ESRRA: variants seen among roughly 807,000 people sequenced by gnomAD.
The protein encoded by ESRRA is steroid hormone receptor ERR1.
In ESRRA, 7 loss-of-function variants were observed where a neutral mutation model predicts 35.6. The observed-to-expected ratio is 0.20, with a 90% CI of 0.11 to 0.37. The LOEUF (loss-of-function observed/expected upper bound fraction) is 0.37. ESRRA is among the 10% of genes least tolerant of loss of function. The pLI is 1.00. For missense variants in ESRRA, 378 were observed against 561.7 expected (o/e 0.67, Z 3.31); for synonymous variants, 223 against 246.9 (o/e 0.90, Z 0.91).
chr11:64,312,929 C>G lies in ESRRA; in HGVS notation c.326-1022C>G, dbSNP rs564431813. ...GTAGAGGTCAAAAGGAGGCAAGAAG[C>G]AGGGGCGTAGGCCTAGGAGGACATA... On this transcript the variant is annotated intron_variant, in intron 2 of 6. Transcript: ENST00000000442. 2.6e-4 allele frequency among the ~76,000 whole-genome samples: 40 copies of G among 152,288 alleles called. 1 individual carries two copies. The South Asian group carries it at 8.1e-3, about 31-fold the overall frequency.
chr11:64,313,773 C>T lies in ESRRA; in HGVS notation c.326-178C>T. Reference sequence around the variant, plus strand: ...TGGTCCAGCTCCTCCCTCATCCAGGCAGGGCTCCCCCGCCCAGCAGCCACT... The same window carrying T: ...TGGTCCAGCTCCTCCCTCATCCAGGTAGGGCTCCCCCGCCCAGCAGCCACT... On this transcript the variant is annotated intron_variant, in intron 2 of 6. Coordinates refer to ENST00000000442, the MANE Select transcript of ESRRA (RefSeq NM_004451.5). This position sits in a 1 kb window ranked among gnomAD's most constrained non-coding sequence, Gnocchi z 4.0. 1.8e-6 allele frequency: 1 copy of T among 555,958 alleles called. No homozygotes were observed. The highest frequency in any genetic ancestry group is 3.2e-6 in the Non-Finnish European group (1 of 310,292). 34.4% of individuals were successfully genotyped at this position (555,958 alleles called of 1,614,324 possible). A position where few individuals can be genotyped will look rare whatever the true frequency, so the allele number is the denominator to read the frequency against.
In ESRRA at chr11:64,314,376, A is replaced by G; in HGVS notation, c.571+9A>G. The G allele has an allele frequency of 1.3e-6, 2 of 1,557,296 alleles. No individual in the cohort carries two copies. Among genetic ancestry groups the G allele is most frequent in the Non-Finnish European group, 1.7e-6 (2 of 1,149,826 alleles). ...AGGCCCCCGGAAGACAGGTGAGAGC[A>G]CTGTGGGTACCTGGGGCTACGAAAC... On this transcript the variant is annotated intron_variant, in intron 4 of 6. Transcript: ENST00000000442.
chr11:64,307,247 C>A lies in ESRRA; in HGVS notation c.68C>A (p.Pro23Gln), dbSNP rs878989820. The A allele has an allele frequency of 1.2e-6, 2 of 1,613,342 alleles. No individual in the cohort carries two copies. Among genetic ancestry groups the A allele is most frequent in the Admixed American group, 3.3e-5 (2 of 59,970 alleles). ...GCAGAGCCGGCCAGCCCTGACAGTC[C>A]AAAGGGTTCCTCGGAGACAGAGACC... ...IKAEPASPDSPKGSSETETEP... is the reference protein window; with the variant it reads ...IKAEPASPDSQKGSSETETEP... Residue 23 changes from proline to glutamine, a missense_variant, in exon 2 of 7, where the codon CCA becomes CAA. Around this residue, in one of 4 missense-constraint regions of ESRRA, gnomAD observed 87 missense variants for 92.6 expected, o/e 0.94. Transcript: ENST00000000442.
chr11:64,314,616 G>C, intron 4 of ESRRA, 125 bp from the exon 5 acceptor site: 1 of 1,021,412 alleles, frequency 9.8e-7, no homozygotes, highest in Non-Finnish European at 1.4e-6. Context: ...GCTCTTCCCT[G>C]GAGGGAAGTC....
At chr11:64,314,432 T>C in intron 4 of ESRRA, 65 bp downstream of exon 4, 1 of 1,458,814 alleles carries the variant, frequency 6.9e-7, no homozygotes, top group South Asian at 1.4e-5. Flanking sequence ...CATAGTTACC[T>C]TGGGCACTGG....
intron 1 of ESRRA, chr11:64,306,907 G>A (rs937584512): frequency 5.6e-6 from 2 of 360,228 alleles, no homozygotes; most frequent in African/African-American, 4.2e-5. Context: ...GGTGGGAGTA[G>A]GGGCTTTCTA....
At position 64,314,046 on chromosome 11, in the gene ESRRA, C is replaced by A. The variant is rs1395893290; in HGVS notation, c.421C>A (p.Arg141=). ...GGCCTGCCGCTTCACCAAGTGCCTG[C>A]GGGTGGGCATGCTCAAGGAGGGTGA... ...CQACRFTKCL[R]VGMLKEGVRL... The change falls in exon 3 of 7, where the codon CGG becomes AGG. Residue 141 remains arginine, a synonymous_variant. Transcript: ENST00000000442. The A allele has an allele frequency of 1.3e-6, 2 of 1,591,034 alleles. No individual in the cohort carries two copies. The highest frequency in any genetic ancestry group is 1.7e-6 in the Non-Finnish European group (2 of 1,168,244).
At chr11:64,307,065 G>T in intron 1 of ESRRA, 103 bp from the exon 2 acceptor site, 1 of 935,310 alleles carries the variant, frequency 1.1e-6, no homozygotes, top group Non-Finnish European at 1.6e-6. Flanking sequence ...TGCTGGGCTT[G>T]GAAGCCTGGC....
At chr11:64,310,047 C>T (rs142996052) in intron 2 of ESRRA, among the ~76,000 whole-genome samples, 1,679 of 151,790 alleles carry the variant, frequency 0.011, 19 homozygotes, top group Non-Finnish European at 0.018. Context: ...ACTGTTATAA[C>T]TGAAACTAAG....
At position 64,309,405 on chromosome 11, in the gene ESRRA, C is replaced by T. The variant is rs545741598; in HGVS notation, c.325+1901C>T. Among the ~76,000 whole-genome samples the T allele has an allele frequency of 6.6e-4, 93 of 140,684 alleles. 1 individual carries two copies. The highest frequency in any genetic ancestry group is 2.3e-3 in the African/African-American group (89 of 38,316). The allele number at this position is 140,684 out of a possible 152,430, so 92.3% of individuals were successfully genotyped here. ...TGAGATCATGCCACAGCACTCTAGT[C>T]TGGGCAACAGAATGAGACACTCTCA... On this transcript the variant is annotated intron_variant, in intron 2 of 6. Coordinates refer to ENST00000000442, the MANE Select transcript of ESRRA (RefSeq NM_004451.5).
chr11:64,308,477 C>G lies in ESRRA; in HGVS notation c.325+973C>G, dbSNP rs556757046. Among the ~76,000 whole-genome samples, 249 of 140,170 alleles carry G rather than the reference C, an allele frequency of 1.8e-3. 1 individual carries two copies. Among genetic ancestry groups the G allele is most frequent in the African/African-American group, 6.4e-3 (238 of 37,456 alleles). 92.0% of individuals were successfully genotyped at this position (140,170 alleles called of 152,430 possible). Reference sequence around the variant, plus strand: ...GGCAGAGGTTGCAGTGAGCCAAGATCACACCACTGTACTCCAGCCTGGGTG... The same window carrying G: ...GGCAGAGGTTGCAGTGAGCCAAGATGACACCACTGTACTCCAGCCTGGGTG... On this transcript the variant is annotated intron_variant, in intron 2 of 6. Transcript: ENST00000000442.
chr11:64,310,709 G>A (rs1228406392), intron 2 of ESRRA, among the ~76,000 whole-genome samples: 2 of 151,818 alleles, frequency 1.3e-5, no homozygotes, highest in Admixed American at 6.6e-5. Context: ...CACCATGCCC[G>A]GCTAATTTTT....
chr11:64,309,612 T>A (rs2035100936), intron 2 of ESRRA, among the ~76,000 whole-genome samples: 1 of 150,582 alleles, frequency 6.6e-6, no homozygotes, highest in African/African-American at 2.4e-5. Context: ...TTGGTTACTT[T>A]GGGGGCTATA....
rs974676032 is a variant in ESRRA at position 64,307,039 on chromosome 11, C to G, written c.-12-129C>G. The G allele has an allele frequency of 7.3e-6, 5 of 685,622 alleles. No homozygotes were observed. In the African/African-American group the frequency reaches 9.1e-5, roughly 12 times the overall value. The allele number at this position is 685,622 out of a possible 1,614,324, so 42.5% of individuals were successfully genotyped here. A position where few individuals can be genotyped will look rare whatever the true frequency, so the allele number is the denominator to read the frequency against. ...GGGCAGTCCTTCCTTGGACTCTGCC[C>G]CCCTTCTTCCCCACTTGCTGGGCTT... On this transcript the variant is annotated intron_variant, in intron 1 of 6. Coordinates refer to ENST00000000442, the MANE Select transcript of ESRRA (RefSeq NM_004451.5).
chr11:64,315,942 G>A lies in ESRRA; in HGVS notation c.1248G>A (p.Glu416=). Residue 416 remains glutamate, a synonymous_variant, in exon 7 of 7, where the codon GAG becomes GAA. Coordinates refer to ENST00000000442, the MANE Select transcript of ESRRA (RefSeq NM_004451.5). ...TGCCCATGCACAAGCTGTTCTTGGA[G>A]ATGCTCGAGGCCATGATGGACTGAG... is the stretch of plus-strand genomic sequence containing the variant. ...GKVPMHKLFL[E]MLEAMMD The A allele has an allele frequency of 6.3e-7, 1 of 1,581,506 alleles. No homozygotes were observed.
intron 2 of ESRRA, among the ~76,000 whole-genome samples, chr11:64,309,685 G>A (rs2035103240): frequency 6.7e-6 from 1 of 150,280 alleles, no homozygotes; most frequent in African/African-American, 2.5e-5. Context: ...TGTAATCTCA[G>A]CACTTTCGGA....
Position 64,315,214 on chromosome 11 carries a change from T to C in ESRRA, c.956T>C (p.Leu319Pro). 1 of 1,609,916 alleles carries C rather than the reference T, an allele frequency of 6.2e-7. No homozygotes were observed. Among genetic ancestry groups the C allele is most frequent in the Admixed American group, 1.7e-5 (1 of 59,736 alleles). ...LLQLVRRLQA[L>P]RLEREEYVLL... is the part of the protein sequence containing the mutation. ...CAACTAGTGCGGCGGCTGCAGGCCC[T>C]GCGGCTGGAGCGAGAGGAGTATGTT... Residue 319 changes from leucine to proline, a missense_variant, in exon 6 of 7, where the codon CTG (leucine) becomes CCG (proline). Physicochemically the swap from Leu to Pro is moderately conservative, Grantham distance 98 (BLOSUM62 -3). Coordinates refer to ENST00000000442, the MANE Select transcript of ESRRA (RefSeq NM_004451.5).
At chr11:64,308,815 C>CAA (rs1265755324) in intron 2 of ESRRA, among the ~76,000 whole-genome samples, 3 of 58,754 alleles carry the variant, frequency 5.1e-5, no homozygotes, top group Non-Finnish European at 6.8e-5. Flanking sequence ...GACTCCGTCT[C>CAA]AAAAAAAAAA....
At chr11:64,307,618 T>C (rs2035061689) in intron 2 of ESRRA, 114 bp downstream of exon 2, 5 of 750,684 alleles carry the variant, frequency 6.7e-6, no homozygotes, top group Non-Finnish European at 9.9e-6. Flanking sequence ...ATCTGGTGTT[T>C]CCAGTCCCTC....
Sources: gnomAD v4.1 joint callset for allele counts (sites outside exome capture counted in the v4.1 genomes callset) on GRCh38, gnomAD v4.1.1 for gene constraint, gnomAD v4.1.1 regional missense constraint, Gnocchi (gnomAD v3.1) non-coding constraint, MANE v1.5 for transcripts, NCBI Gene and HGNC (gene_info 2026-07-23, HGNC 2026-07-21) for gene names.